The following FREM1 variants were observed in gnomAD, a reference collection of about 807,000 sequenced individuals.
FREM1 encodes FRAS1-related extracellular matrix protein 1.
Under a neutral mutation model 210.1 loss-of-function variants are expected in FREM1, and 220 were observed. The observed-to-expected ratio is 1.05, with a 90% CI of 0.94 to 1.17. The LOEUF (loss-of-function observed/expected upper bound fraction) is 1.17, where lower values mean the gene tolerates loss of function less well. Ranked by LOEUF, FREM1 falls within the 50% of genes most tolerant of loss-of-function variation. The pLI is 0.00. For missense variants in FREM1, 3,454 were observed against 2,675.5 expected (o/e 1.29, Z -6.42); for synonymous variants, 1,189 against 980.2 (o/e 1.21, Z -3.98).
rs1845252741 is a variant in FREM1, at chr9:14,760,275, A to G, written c.5205-374T>C. On this transcript the variant is annotated intron_variant, in intron 27 of 36. Transcript: ENST00000380880. ...AAGGAGACATTCCTTTTTGGAAAAG[A>G]CACTGATAGGAAGTCTTCTATCTTA... 3.9e-5 allele frequency among the ~76,000 whole-genome samples: 6 copies of G among 152,342 alleles called. No homozygotes were observed. The South Asian group carries it at 1.2e-3, about 32-fold the overall frequency.
rs760672639 is a variant in FREM1 at position 14,859,163 on chromosome 9, G to C, written c.631+20C>G. 1 of 1,527,194 alleles carries C rather than the reference G, an allele frequency of 6.5e-7. No individual in the cohort carries two copies. The highest frequency in any genetic ancestry group is 2.1e-5 in the Admixed American group (1 of 46,772). The allele number at this position is 1,527,194 out of a possible 1,614,324, so 94.6% of individuals were successfully genotyped here. On this transcript the variant is annotated intron_variant, in intron 4 of 36. Coordinates refer to ENST00000380880, the MANE Select transcript of FREM1 (RefSeq NM_001379081.2). ...TGTCAGTTTTGGTAATACCCAGAAAGGCATTAAAAGACATCATACGGGACT... is the reference window on the plus strand; with the variant it reads ...TGTCAGTTTTGGTAATACCCAGAAACGCATTAAAAGACATCATACGGGACT...
In FREM1 at chr9:14,846,069, C is replaced by A. The variant is rs1215948597; in HGVS notation, c.1284G>T (p.Gln428His). The change falls in exon 8 of 37, where the codon CAG becomes CAT. Residue 428 changes from glutamine to histidine, a missense_variant. Coordinates refer to ENST00000380880, the MANE Select transcript of FREM1 (RefSeq NM_001379081.2). Reference sequence around the variant, plus strand: ...ACTGTTCCCAAGTGATGGCTCGAGACTGCCCCTCAAGGAGACTCAGACCTA... The same window carrying A: ...ACTGTTCCCAAGTGATGGCTCGAGAATGCCCCTCAAGGAGACTCAGACCTA... ...WNTGLSLLEG[Q>H]SRAITWEQFQ... The A allele has an allele frequency of 1.3e-6, 2 of 1,588,240 alleles. No homozygotes were observed. The highest frequency in any genetic ancestry group is 2.3e-5 in the East Asian group (1 of 43,794).
chr9:14,758,658 C>G (rs986678704), intron 28 of FREM1, among the ~76,000 whole-genome samples: 11 of 119,570 alleles, frequency 9.2e-5, no homozygotes, highest in African/African-American at 3.0e-4. Context: ...ATACCAGTGT[C>G]TTTTTCATCA....
At chr9:14,905,170 G>C (rs1817473815) in intron 1 of FREM1, among the ~76,000 whole-genome samples, 1 of 152,026 alleles carries the variant, frequency 6.6e-6, no homozygotes, top group South Asian at 2.1e-4. Flanking sequence ...GTTCACCCAA[G>C]TTCTTTTAGT....
chr9:14,771,900 G>T (rs893848383), intron 25 of FREM1, among the ~76,000 whole-genome samples: 2 of 151,836 alleles, frequency 1.3e-5, no homozygotes, highest in African/African-American at 2.4e-5. Context: ...AATAGAATTC[G>T]AATATAATTA....
Position 14,807,674 on chromosome 9 carries a change from GACACACAC to G in FREM1, c.3088+258_3088+265del, listed in dbSNP as rs34499233. 3.1e-3 allele frequency among the ~76,000 whole-genome samples: 464 copies of G among 149,726 alleles called. 4 individuals are homozygous for G. The highest frequency in any genetic ancestry group is 0.011 in the African/African-American group (439 of 40,450). On this transcript the variant is annotated intron_variant, in intron 17 of 36. Coordinates refer to ENST00000380880, the MANE Select transcript of FREM1 (RefSeq NM_001379081.2). ...GTCCTTGTCCCAACACACACACAAA[GACACACAC>G]ACACACACACACACACCCCAACACA...
rs373535414 is a variant in FREM1 at position 14,769,744 on chromosome 9, C to A, written c.5184G>T (p.Gly1728=). The A allele has an allele frequency of 6.2e-6, 10 of 1,612,192 alleles. No homozygotes were observed. In the African/African-American group the frequency reaches 1.2e-4, roughly 19 times the overall value. The change falls in exon 27 of 37, where the codon GGG becomes GGT. Residue 1728 remains glycine, a synonymous_variant. Transcript: ENST00000380880. The part of the protein sequence containing the change: ...TVEFQIMDPT[G]NSATPQILEL... The stretch of plus-strand genomic sequence containing the variant: ...TTTACATTTGAGGAGTGGCCGAGTT[C>A]CCTGTGGGGTCCATGATTTGAAATT...
At chr9:14,794,730 T>TGGAGATTGG (rs1411544362) in intron 21 of FREM1, among the ~76,000 whole-genome samples, 3 of 152,112 alleles carry the variant, frequency 2.0e-5, no homozygotes, top group African/African-American at 7.2e-5. Flanking sequence ...CCGGGCGCAG[T>TGGAGATTGG]GCCTCATGCC....
intron 15 of FREM1, among the ~76,000 whole-genome samples, chr9:14,814,672 G>A (rs948537036): frequency 3.3e-5 from 5 of 152,072 alleles, no homozygotes; most frequent in African/African-American, 1.2e-4. Flanking sequence ...TTGACCCTGA[G>A]GAATATCACC....
chr9:14,892,193 C>T (rs529188244), intron 1 of FREM1, among the ~76,000 whole-genome samples: 105 of 152,170 alleles, frequency 6.9e-4, no homozygotes, highest in African/African-American at 2.3e-3. Flanking sequence ...AAAAACCCCC[C>T]GACCCAAAGG....
intron 10 of FREM1, among the ~76,000 whole-genome samples, chr9:14,826,990 C>T (rs1207942742): frequency 6.6e-6 from 1 of 152,088 alleles, no homozygotes; most frequent in African/African-American, 2.4e-5. Context: ...GCCATAGCAG[C>T]ACAAATGGAC....
intron 10 of FREM1, among the ~76,000 whole-genome samples, chr9:14,831,123 C>G (rs924041484): frequency 6.6e-6 from 1 of 152,132 alleles, no homozygotes; most frequent in Non-Finnish European, 1.5e-5. Flanking sequence ...TCACGTGAGG[C>G]TGGGAAAAGT....
chr9:14,804,340 C>T (rs1450903933), intron 19 of FREM1, among the ~76,000 whole-genome samples: 1 of 152,212 alleles, frequency 6.6e-6, no homozygotes, highest in Admixed American at 6.5e-5. Context: ...AATCCCAGCA[C>T]TTTGGAAGGC....
chr9:14,847,883 C>A (rs1826979499), intron 7 of FREM1, among the ~76,000 whole-genome samples: 1 of 152,120 alleles, frequency 6.6e-6, no homozygotes, highest in Non-Finnish European at 1.5e-5. Flanking sequence ...TCATTACCCC[C>A]TTGACAGAGG....
chr9:14,774,959 G>C (rs1848298960), intron 25 of FREM1, among the ~76,000 whole-genome samples: 1 of 152,160 alleles, frequency 6.6e-6, no homozygotes, highest in Non-Finnish European at 1.5e-5. Context: ...GATTTATGTG[G>C]AGTGGGTCTA....
At chr9:14,876,912 G>A (rs1833866564) in intron 1 of FREM1, among the ~76,000 whole-genome samples, 1 of 152,116 alleles carries the variant, frequency 6.6e-6, no homozygotes, top group South Asian at 2.1e-4. Flanking sequence ...GCACATTCAG[G>A]GAGAGGAGAG....
rs375537925 is a variant in FREM1, at chr9:14,816,878, G to A, written c.2547-7C>T. The A allele has an allele frequency of 2.5e-6, 3 of 1,212,358 alleles. No homozygotes were observed. The highest frequency in any genetic ancestry group is 1.5e-5 in the African/African-American group (1 of 67,360). The allele number at this position is 1,212,358 out of a possible 1,614,324, so 75.1% of individuals were successfully genotyped here. ...AGTTCCATCATGTTGATACCTGTGG[G>A]GATAATATTTGTCACCAACCTCTTA... is the stretch of plus-strand genomic sequence containing the variant. On this transcript the variant is annotated splice_region_variant and splice_polypyrimidine_tract_variant and intron_variant, in intron 14 of 36. Transcript: ENST00000380880.
intron 24 of FREM1, chr9:14,779,465 T>C (rs1849287935): frequency 1.0e-6 from 1 of 984,912 alleles, no homozygotes; most frequent in Middle Eastern, 5.2e-4. Context: ...CAAGCTTGAG[T>C]GAGTGCCAGG....
chr9:14,738,870 T>G (rs1840897873), intron 36 of FREM1, among the ~76,000 whole-genome samples: 1 of 151,304 alleles, frequency 6.6e-6, no homozygotes, highest in South Asian at 2.1e-4. Flanking sequence ...CTTAGCCAGG[T>G]GTGGTAGTGG....
Sources: allele counts gnomAD v4.1 joint callset (sites outside exome capture counted in the v4.1 genomes callset), GRCh38; gene constraint gnomAD v4.1.1; transcripts MANE v1.5; gene names NCBI Gene and HGNC (gene_info 2026-07-23, HGNC 2026-07-21).